The following BRSK1 variants were observed in gnomAD, a reference collection of about 807,000 sequenced individuals.
The protein encoded by BRSK1 is serine/threonine-protein kinase BRSK1.
In BRSK1, 17 loss-of-function variants were observed where a neutral mutation model predicts 86.2. The ratio of observed to expected loss-of-function variants is 0.20; its 90% CI spans 0.14 to 0.30. The LOEUF is 0.30. Among genes scored for constraint, BRSK1 ranks in the 10% least tolerant of loss-of-function variants. BRSK1 has a pLI of 1.00. For synonymous variants in BRSK1, 464 were observed against 440.1 expected (o/e 1.05, Z -0.68); for missense variants, 719 against 1,071.9 (o/e 0.67, Z 4.60).
intron 7 of BRSK1, among the ~76,000 whole-genome samples, chr19:55,295,041 A>T (rs1022941981): frequency 2.0e-5 from 3 of 152,106 alleles, no homozygotes; most frequent in African/African-American, 7.2e-5. Flanking sequence ...GCCTCAAGTG[A>T]TCCACCCTCC....
In BRSK1 at chr19:55,312,351, G is replaced by C. The variant is rs2123021088; in HGVS notation, c.*283G>C. 4.9e-6 allele frequency: 1 copy of C among 202,322 alleles called. No homozygotes were observed. Among genetic ancestry groups the C allele is most frequent in the Middle Eastern group, 1.7e-3 (1 of 578 alleles). The allele number at this position is 202,322 out of a possible 1,614,324, so 12.5% of individuals were successfully genotyped here. ...TGGGGTGGGGGAGGGACGGGAGCTGGTTGGGGTGGCTTAGCAGATCCGGAC... is the reference window on the plus strand; with the variant it reads ...TGGGGTGGGGGAGGGACGGGAGCTGCTTGGGGTGGCTTAGCAGATCCGGAC... On this transcript the variant is annotated 3_prime_UTR_variant, in exon 19 of 19. Transcript: ENST00000309383.
intron 4 of BRSK1, among the ~76,000 whole-genome samples, chr19:55,292,709 C>T (rs909778366): frequency 6.6e-6 from 1 of 151,890 alleles, no homozygotes; most frequent in Non-Finnish European, 1.5e-5. Context: ...TGGCACATGC[C>T]TATAATCCCA....
chr19:55,300,342 A>G (rs895808068), intron 7 of BRSK1, among the ~76,000 whole-genome samples: 4 of 152,162 alleles, frequency 2.6e-5, no homozygotes, highest in Admixed American at 2.6e-4. Flanking sequence ...GTGACGACCC[A>G]TTGCCATTTT....
intron 4 of BRSK1, among the ~76,000 whole-genome samples, chr19:55,290,916 C>T (rs2088396096): frequency 6.6e-6 from 1 of 151,956 alleles, no homozygotes; most frequent in Non-Finnish European, 1.5e-5. Context: ...GCTGGGATTA[C>T]AGGCATGAGC....
intron 4 of BRSK1, among the ~76,000 whole-genome samples, chr19:55,290,882 C>T (rs1201180042): frequency 2.0e-5 from 3 of 151,920 alleles, no homozygotes; most frequent in Non-Finnish European, 4.4e-5. Flanking sequence ...ACCTCGTAAT[C>T]CGTCCGCCTC....
intron 1 of BRSK1, 82 bp from the exon 2 acceptor site, chr19:55,286,925 C>T: frequency 7.7e-7 from 1 of 1,295,068 alleles, no homozygotes; most frequent in Non-Finnish European, 1.1e-6. Context: ...AAGGAGCAAA[C>T]AGGGTGGCCA....
intron 7 of BRSK1, among the ~76,000 whole-genome samples, chr19:55,301,251 C>G (rs980589272): frequency 2.0e-5 from 3 of 152,208 alleles, no homozygotes; most frequent in Non-Finnish European, 4.4e-5. Context: ...ACAACCGTTT[C>G]GAAACTGCTG....
intron 17 of BRSK1, 91 bp from the exon 18 acceptor site, chr19:55,308,548 G>C (rs1332858195): frequency 1.1e-6 from 1 of 898,704 alleles, no homozygotes; most frequent in African/African-American, 1.7e-5. Context: ...GGTGTTGTGT[G>C]CTTGGTGGAG....
At position 55,305,358 on chromosome 19, in the gene BRSK1, G is replaced by A. The variant is rs774250412; in HGVS notation, c.1755G>A (p.Glu585=). Residue 585 remains glutamate (E), a synonymous_variant, in exon 15 of 19, where the codon GAG becomes GAA. Transcript: ENST00000309383. ...AGGAGATGTCCAGCTTGACGCCAGA[G>A]TCCTCCCCGGAGTGAGTCTCACAGG... ...TAEEMSSLTP[E]SSPELAKRSW... is the part of the protein sequence containing the mutation. 6.2e-7 allele frequency: 1 copy of A among 1,614,156 alleles called. No individual in the cohort carries two copies. Among genetic ancestry groups the A allele is most frequent in the Non-Finnish European group, 8.5e-7 (1 of 1,180,018 alleles).
intron 7 of BRSK1, among the ~76,000 whole-genome samples, chr19:55,301,006 G>A (rs1208093259): frequency 6.6e-6 from 1 of 152,216 alleles, no homozygotes; most frequent in African/African-American, 2.4e-5. Flanking sequence ...TCACATGACT[G>A]TTCTCTGTGC....
intron 16 of BRSK1, 25 bp downstream of exon 16, chr19:55,305,611 G>A (rs751426848): frequency 6.2e-7 from 1 of 1,613,482 alleles, no homozygotes; most frequent in South Asian, 1.1e-5. Flanking sequence ...TCCCCATCGA[G>A]CCTGGCCCCC....
chr19:55,302,196 G>A lies in BRSK1; in HGVS notation c.857+28G>A, dbSNP rs775391853. ...GAGTATGGGGTAACTGGACTCTTGG[G>A]TCCCTGGCGGAAATAGGGGAGGGGC... On this transcript the variant is annotated intron_variant, in intron 9 of 18. Coordinates refer to ENST00000309383, the MANE Select transcript of BRSK1 (RefSeq NM_032430.2). The surrounding 1 kb of genome is among the most constrained non-coding windows in gnomAD (Gnocchi z 6.3). The A allele has an allele frequency of 2.5e-6, 4 of 1,613,906 alleles. No individual in the cohort carries two copies.
At chr19:55,289,114 G>A (rs2088366883) in intron 3 of BRSK1, among the ~76,000 whole-genome samples, 1 of 152,132 alleles carries the variant, frequency 6.6e-6, no homozygotes, top group South Asian at 2.1e-4. Context: ...TTGACCTTCA[G>A]GTGCTAATAG....
In BRSK1 at chr19:55,284,208, C is replaced by G; in HGVS notation, c.-235C>G. ...GGGCTGGGGAGGGGGGGCCCCGCAG[C>G]CCCCCTGGGCCATGCTGACTCCCGG... On this transcript the variant is annotated 5_prime_UTR_variant, in exon 1 of 19. Transcript: ENST00000309383. The G allele has an allele frequency of 1.4e-6, 1 of 717,582 alleles. No homozygotes were observed. The highest frequency in any genetic ancestry group is 1.9e-6 in the Non-Finnish European group (1 of 521,164). The allele number at this position is 717,582 out of a possible 1,614,324, so 44.5% of individuals were successfully genotyped here. A position where few individuals can be genotyped will look rare whatever the true frequency, so the allele number is the denominator to read the frequency against.
At position 55,303,569 on chromosome 19, in the gene BRSK1, C is replaced by T. The variant is rs1407504589; in HGVS notation, c.1127-98C>T. On this transcript the variant is annotated intron_variant, in intron 11 of 18. Transcript: ENST00000309383. This position sits in a 1 kb window ranked among gnomAD's most constrained non-coding sequence, Gnocchi z 5.1. ...TTTGACATTTATCAAATCCCCTCTC[C>T]ACTCTAGGCCTGTTTCCCCATGTGT... is the stretch of plus-strand genomic sequence containing the variant. 6.6e-7 allele frequency: 1 copy of T among 1,504,376 alleles called. No individual in the cohort carries two copies. Among genetic ancestry groups the T allele is most frequent in the Non-Finnish European group, 9.1e-7 (1 of 1,104,466 alleles). 93.2% of individuals were successfully genotyped at this position (1,504,376 alleles called of 1,614,324 possible). A position where few individuals can be genotyped will look rare whatever the true frequency, so the allele number is the denominator to read the frequency against.
At chr19:55,307,788 A>ACACACACACAAT (rs1458252845) in intron 17 of BRSK1, among the ~76,000 whole-genome samples, 1 of 97,818 alleles carries the variant, frequency 1.0e-5, no homozygotes, top group African/African-American at 3.8e-5. Context: ...ACACACACAC[A>ACACACACACAAT]ATTTAAAAAA....
At position 55,300,474 on chromosome 19, in the gene BRSK1, G is replaced by A. The variant is rs993197296; in HGVS notation, c.679-1038G>A. On this transcript the variant is annotated intron_variant, in intron 7 of 18. Transcript: ENST00000309383. ...TCCCAGCACTTTGGGAGGCTGAGGC[G>A]GGCAGATCACCTGAGGTCAGGACTT... 4.0e-5 allele frequency among the ~76,000 whole-genome samples: 6 copies of A among 151,832 alleles called. No homozygotes were observed. The East Asian group carries it at 9.7e-4, about 24-fold the overall frequency.
Position 55,302,177 on chromosome 19 carries a change from G to A in BRSK1, c.857+9G>A. On this transcript the variant is annotated intron_variant, in intron 9 of 18. Coordinates refer to ENST00000309383, the MANE Select transcript of BRSK1 (RefSeq NM_032430.2). This position sits in a 1 kb window ranked among gnomAD's most constrained non-coding sequence, Gnocchi z 6.3. ...AAACATCCTTGGTACCTGTGAGTAT[G>A]GGGTAACTGGACTCTTGGGTCCCTG... The A allele has an allele frequency of 6.2e-7, 1 of 1,614,074 alleles. No individual in the cohort carries two copies. Among genetic ancestry groups the A allele is most frequent in the Non-Finnish European group, 8.5e-7 (1 of 1,179,974 alleles).
At position 55,312,533 on chromosome 19, in the gene BRSK1, CAAAAAAAAAAAAA is replaced by C. The variant is rs372052269; in HGVS notation, c.*482_*494del. The C allele has an allele frequency of 8.9e-4, 23 of 25,744 alleles. No individual in the cohort carries two copies. The highest frequency in any genetic ancestry group is 5.6e-3 in the South Asian group (2 of 356). 1.6% of individuals were successfully genotyped at this position (25,744 alleles called of 1,614,324 possible). ...TCCGTGTCTCTGATTCCGCCGGCGG[CAAAAAAAAAAAAA>C]AAAAAAAAAAAAAAAAGATAATAAT... On this transcript the variant is annotated 3_prime_UTR_variant, in exon 19 of 19. Coordinates refer to ENST00000309383, the MANE Select transcript of BRSK1 (RefSeq NM_032430.2).
Sources: gnomAD v4.1 joint callset for allele counts (sites outside exome capture counted in the v4.1 genomes callset) on GRCh38, gnomAD v4.1.1 for gene constraint, Gnocchi (gnomAD v3.1) non-coding constraint, MANE v1.5 for transcripts, NCBI Gene and HGNC (gene_info 2026-07-23, HGNC 2026-07-21) for gene names.